The following F13A1 variants were observed in gnomAD, a reference collection of about 807,000 sequenced individuals.
F13A1 encodes the protein FSF, A subunit.
In F13A1, 47 loss-of-function variants were observed where a neutral mutation model predicts 80.1. That is an observed-to-expected ratio of 0.59 (90% CI 0.46 to 0.75). F13A1 has a LOEUF of 0.75. Ranked by LOEUF, F13A1 falls within the 30% of genes least tolerant of loss-of-function variation. The pLI is 0.00. For synonymous variants in F13A1, 349 were observed against 344.9 expected (o/e 1.01, Z -0.13); for missense variants, 817 against 930.4 (o/e 0.88, Z 1.59).
intron 4 of F13A1, among the ~76,000 whole-genome samples, chr6:6,253,823 A>G (rs1052698611): frequency 2.6e-5 from 4 of 152,220 alleles, no homozygotes; most frequent in African/African-American, 9.6e-5. Context: ...CTTAAAATCA[A>G]TAGGTAAAAA....
intron 3 of F13A1, among the ~76,000 whole-genome samples, chr6:6,293,251 C>G (rs950878413): frequency 1.3e-5 from 2 of 152,022 alleles, no homozygotes; most frequent in Non-Finnish European, 2.9e-5. Flanking sequence ...AGGGGGAGAC[C>G]TGGTAAGAAA....
At position 6,224,700 on chromosome 6, in the gene F13A1, C is replaced by A; in HGVS notation, c.959G>T (p.Gly320Val). ...TGGATACTTACATGTGTTAAAGACA[C>A]CAGCAAAAACCCAGCATTGGCCATA... The part of the protein sequence containing the change: ...VRYGQCWVFA[G>V]VFNTFLRCLG... The change falls in exon 7 of 15, where the codon GGT (glycine) becomes GTT (valine). Residue 320 changes from glycine to valine, a missense_variant. By Grantham distance (109) the Gly-to-Val change is moderately radical. Transcript: ENST00000264870. 1 of 1,613,998 alleles carries A rather than the reference C, an allele frequency of 6.2e-7. No individual in the cohort carries two copies. Among genetic ancestry groups the A allele is most frequent in the South Asian group, 1.1e-5 (1 of 91,074 alleles).
At chr6:6,289,109 C>A (rs1758176234) in intron 3 of F13A1, among the ~76,000 whole-genome samples, 1 of 152,196 alleles carries the variant, frequency 6.6e-6, no homozygotes, top group Non-Finnish European at 1.5e-5. Flanking sequence ...TACATTATCT[C>A]CTTTAACCCA....
rs72817039 is a variant in F13A1, at chr6:6,257,712, G to A, written c.572-6783C>T. Reference sequence around the variant, plus strand: ...CTCACGACAGCACAATCATCCGTGCGTGCATAGTACAACATAGTTTACATT... The same window carrying A: ...CTCACGACAGCACAATCATCCGTGCATGCATAGTACAACATAGTTTACATT... On this transcript the variant is annotated intron_variant, in intron 4 of 14. Coordinates refer to ENST00000264870, the MANE Select transcript of F13A1 (RefSeq NM_000129.4). 6.1e-3 allele frequency among the ~76,000 whole-genome samples: 928 copies of A among 152,252 alleles called. 10 individuals are homozygous for A. Among genetic ancestry groups the A allele is most frequent in the Non-Finnish European group, 9.9e-3 (671 of 68,022 alleles).
intron 2 of F13A1, among the ~76,000 whole-genome samples, chr6:6,316,288 T>C (rs1315263987): frequency 6.6e-6 from 1 of 151,248 alleles, no homozygotes; most frequent in East Asian, 1.9e-4. Context: ...TTGTTATTAA[T>C]AATAAATTAT....
At chr6:6,152,047 A>T in intron 13 of F13A1, 98 bp from the exon 14 acceptor site, 2 of 1,492,246 alleles carry the variant, frequency 1.3e-6, no homozygotes, top group Non-Finnish European at 1.8e-6. Context: ...TTTATGATAC[A>T]GTTATTTTTT....
intron 6 of F13A1, among the ~76,000 whole-genome samples, chr6:6,238,152 A>T (rs1655599248): frequency 2.6e-5 from 4 of 152,234 alleles, no homozygotes; most frequent in Admixed American, 2.0e-4. Flanking sequence ...CTAGAAATAG[A>T]TCCATACTCA....
intron 4 of F13A1, among the ~76,000 whole-genome samples, chr6:6,254,821 TC>T (rs1177516530): frequency 6.6e-6 from 1 of 152,178 alleles, no homozygotes; most frequent in African/African-American, 2.4e-5. Context: ...ATTGTTAGTG[TC>T]TCTAATTTGT....
chr6:6,202,220 T>C (rs1761408592), intron 8 of F13A1, among the ~76,000 whole-genome samples: 1 of 152,228 alleles, frequency 6.6e-6, no homozygotes, highest in African/African-American at 2.4e-5. Context: ...CTTTTCCTAA[T>C]TTCATCTACT....
intron 3 of F13A1, among the ~76,000 whole-genome samples, chr6:6,278,469 G>T (rs530556066): frequency 4.6e-5 from 7 of 152,174 alleles, no homozygotes; most frequent in Non-Finnish European, 1.0e-4. Flanking sequence ...TACTTGGCAT[G>T]CTTGAGGAGG....
chr6:6,145,502 CA>C lies in F13A1; in HGVS notation c.*116del. 1 of 1,303,462 alleles carries C rather than the reference CA, an allele frequency of 7.7e-7. No individual in the cohort carries two copies. The highest frequency in any genetic ancestry group is 1.2e-5 in the South Asian group (1 of 82,960). The allele number at this position is 1,303,462 out of a possible 1,614,324, so 80.7% of individuals were successfully genotyped here. ...GGGATCTCCACTCTGGAGCCCTCTG[CA>C]GTCCTGTCTGGGTCTTCACACCTAA... is the stretch of plus-strand genomic sequence containing the variant. On this transcript the variant is annotated 3_prime_UTR_variant, in exon 15 of 15. Transcript: ENST00000264870.
chr6:6,306,869 T>C (rs1189299340), intron 2 of F13A1, among the ~76,000 whole-genome samples: 2 of 152,232 alleles, frequency 1.3e-5, no homozygotes, highest in Non-Finnish European at 2.9e-5. Flanking sequence ...CTGTGCAGGA[T>C]GCCTGGTCCC....
chr6:6,311,616 T>TATAATATATAAAAACATATATTGTTTAC (rs1190353140), intron 2 of F13A1, among the ~76,000 whole-genome samples: 1 of 148,160 alleles, frequency 6.7e-6, no homozygotes, highest in Non-Finnish European at 1.5e-5. Flanking sequence ...TATGTTTATA[T>TATAATATATAAAAACATATATTGTTTAC]ATAATATATA....
chr6:6,189,986 G>C (rs1026536383), intron 10 of F13A1, among the ~76,000 whole-genome samples: 3 of 151,842 alleles, frequency 2.0e-5, no homozygotes, highest in Non-Finnish European at 4.4e-5. Flanking sequence ...ATTTTCCATC[G>C]CTGATACCCT....
rs1761307026 is a variant in F13A1 at position 6,197,214 on chromosome 6, C to G, written c.1216+9G>C. ...GAAGCAAGTTCCCAGAGGGAGGACACAGTTTTACCATCGCTATTTTCCTGG... is the reference window on the plus strand; with the variant it reads ...GAAGCAAGTTCCCAGAGGGAGGACAGAGTTTTACCATCGCTATTTTCCTGG... On this transcript the variant is annotated intron_variant, in intron 9 of 14. Transcript: ENST00000264870. The G allele has an allele frequency of 1.9e-6, 3 of 1,612,994 alleles. No homozygotes were observed. The highest frequency in any genetic ancestry group is 1.7e-6 in the Non-Finnish European group (2 of 1,179,150).
Position 6,265,814 on chromosome 6 carries a change from T to A in F13A1, c.571+744A>T, listed in dbSNP as rs149936149. Reference sequence around the variant, plus strand: ...AGTTCTACTATGAACAGCGTCGACTTTATTTTATTTTTCTGAAGTCAGAGT... The same window carrying A: ...AGTTCTACTATGAACAGCGTCGACTATATTTTATTTTTCTGAAGTCAGAGT... On this transcript the variant is annotated intron_variant, in intron 4 of 14. Coordinates refer to ENST00000264870, the MANE Select transcript of F13A1 (RefSeq NM_000129.4). Among the ~76,000 whole-genome samples the A allele has an allele frequency of 4.8e-3, 735 of 152,258 alleles. 7 individuals are homozygous for A. Among genetic ancestry groups the A allele is most frequent in the African/African-American group, 0.017 (697 of 41,542 alleles).
intron 3 of F13A1, among the ~76,000 whole-genome samples, chr6:6,295,024 T>C (rs1367586333): frequency 1.4e-5 from 2 of 146,838 alleles, no homozygotes; most frequent in Non-Finnish European, 3.0e-5. Flanking sequence ...GATAGTTTAC[T>C]GAGAATGATG....
intron 3 of F13A1, among the ~76,000 whole-genome samples, chr6:6,302,398 C>A (rs1758447015): frequency 2.0e-5 from 3 of 152,160 alleles, no homozygotes; most frequent in African/African-American, 7.2e-5. Flanking sequence ...GAGCCTACTG[C>A]TGTTAGGTTA....
intron 2 of F13A1, among the ~76,000 whole-genome samples, chr6:6,316,083 AT>A (rs1211308658): frequency 2.6e-4 from 1 of 3,870 alleles, no homozygotes; most frequent in African/African-American, 1.6e-3. Context: ...GTGTGCATAT[AT>A]ATATATATAT....
Sources: gnomAD v4.1 joint callset for allele counts (sites outside exome capture counted in the v4.1 genomes callset) on GRCh38, gnomAD v4.1.1 for gene constraint, MANE v1.5 for transcripts, NCBI Gene and HGNC (gene_info 2026-07-23, HGNC 2026-07-21) for gene names.